The following TSPAN18 variants were observed in gnomAD, a reference collection of about 807,000 sequenced individuals.
The protein encoded by TSPAN18 is tetraspanin 18, also known as tetraspanin-18.
In TSPAN18, 14 loss-of-function variants were observed where a neutral mutation model predicts 27.3. The observed-to-expected ratio is 0.51, with a 90% CI of 0.34 to 0.80. The LOEUF (loss-of-function observed/expected upper bound fraction) is 0.80, where lower values mean the gene tolerates loss of function less well. TSPAN18 is among the 30% of genes least tolerant of loss of function. The pLI is 0.01. For synonymous variants in TSPAN18, 143 were observed against 136.5 expected (o/e 1.05, Z -0.33); for missense variants, 268 against 323.9 (o/e 0.83, Z 1.32).
At chr11:44,794,305 G>T (rs1856296366) in intron 2 of TSPAN18, among the ~76,000 whole-genome samples, 1 of 152,204 alleles carries the variant, frequency 6.6e-6, no homozygotes, top group African/African-American at 2.4e-5. Context: ...TCACACATGT[G>T]TGGTTGTGTG....
chr11:44,919,163 G>A, intron 6 of TSPAN18, 51 bp from the exon 7 acceptor site: 2 of 1,446,830 alleles, frequency 1.4e-6, no homozygotes, highest in East Asian at 2.3e-5. Context: ...TGGAGGGTGG[G>A]GGCTGCACCC....
At chr11:44,785,242 A>C (rs1038347322) in intron 2 of TSPAN18, among the ~76,000 whole-genome samples, 2 of 152,158 alleles carry the variant, frequency 1.3e-5, no homozygotes, top group African/African-American at 2.4e-5. Flanking sequence ...GACATGGAAA[A>C]CCCTGTATGC....
At chr11:44,903,775 C>T in intron 3 of TSPAN18, 1 of 454,094 alleles carries the variant, frequency 2.2e-6, no homozygotes, top group South Asian at 1.6e-5. Flanking sequence ...CCATCACACA[C>T]ACACCATCCT....
intron 2 of TSPAN18, among the ~76,000 whole-genome samples, chr11:44,788,299 C>T (rs190896738): frequency 3.7e-4 from 56 of 152,240 alleles, no homozygotes; most frequent in Non-Finnish European, 6.6e-4. Flanking sequence ...TGTCTACGTG[C>T]GCTGTCCAAT....
intron 3 of TSPAN18, among the ~76,000 whole-genome samples, chr11:44,902,272 A>G (rs1859290245): frequency 1.3e-5 from 2 of 152,240 alleles, no homozygotes; most frequent in African/African-American, 4.8e-5. Flanking sequence ...CAAGAGGCTA[A>G]GTCACTTGCC....
chr11:44,759,849 A>T (rs369565056), intron 1 of TSPAN18, among the ~76,000 whole-genome samples: 5 of 152,346 alleles, frequency 3.3e-5, no homozygotes, highest in African/African-American at 1.2e-4. Flanking sequence ...ATATACTATT[A>T]CCTATACACA....
At chr11:44,731,633 T>TGTGTGAGAGA (rs139154582) in intron 1 of TSPAN18, among the ~76,000 whole-genome samples, 47,525 of 107,582 alleles carry the variant, frequency 0.44, 12,686 homozygotes, top group Non-Finnish European at 0.59. Flanking sequence ...TGTGTGTGTG[T>TGTGTGAGAGA]GAGAGAGAGA....
chr11:44,880,893 C>T (rs1841727017), intron 3 of TSPAN18, among the ~76,000 whole-genome samples: 1 of 152,258 alleles, frequency 6.6e-6, no homozygotes, highest in African/African-American at 2.4e-5. Context: ...GGGTGGGCAA[C>T]ATGACACCTT....
At chr11:44,756,647 T>C (rs1222896723) in intron 1 of TSPAN18, among the ~76,000 whole-genome samples, 2 of 152,214 alleles carry the variant, frequency 1.3e-5, no homozygotes, top group African/African-American at 4.8e-5. Flanking sequence ...ACATGTTTCA[T>C]GTAAGTGGAA....
intron 1 of TSPAN18, among the ~76,000 whole-genome samples, chr11:44,755,188 G>T (rs1184680315): frequency 5.3e-5 from 8 of 152,102 alleles, no homozygotes; most frequent in East Asian, 1.9e-4. Context: ...AGATCGGAAG[G>T]CCCATGCTTC....
intron 3 of TSPAN18, among the ~76,000 whole-genome samples, chr11:44,894,307 G>A (rs937918074): frequency 6.6e-5 from 10 of 152,200 alleles, no homozygotes; most frequent in Non-Finnish European, 1.5e-4. Flanking sequence ...GGAACACACG[G>A]TCCTCTGAGG....
rs184035007 is a variant in TSPAN18 at position 44,826,217 on chromosome 11, G to A, written c.-152-34111G>A. On this transcript the variant is annotated intron_variant, in intron 2 of 9. Transcript: ENST00000520358. ...GTGGGCGGATCACCTGAGATTAGGA[G>A]TTCAAGACCAGCCTGACCAACATGG... Among the ~76,000 whole-genome samples, 38 of 152,300 alleles carry A rather than the reference G, an allele frequency of 2.5e-4. No individual in the cohort carries two copies. The East Asian group carries it at 6.6e-3, about 26-fold the overall frequency.
chr11:44,770,712 CA>C (rs1237107241), intron 2 of TSPAN18, among the ~76,000 whole-genome samples: 1 of 152,154 alleles, frequency 6.6e-6, no homozygotes, highest in African/African-American at 2.4e-5. Context: ...GAGACCAGTA[CA>C]AACACTGATG....
At position 44,727,059 on chromosome 11, in the gene TSPAN18, GGCCCCGGCCCCA is replaced by G. The variant is rs1380757072; in HGVS notation, c.-456_-445del. On this transcript the variant is annotated 5_prime_UTR_variant, in exon 1 of 10. Transcript: ENST00000520358. The stretch of plus-strand genomic sequence containing the variant: ...GCGAGGCCGCCCGAGCCCCAGCCCC[GGCCCCGGCCCCA>G]GCCCCGGCCCCGGCCCCGGCCCCGG... 1.1e-3 allele frequency: 78 copies of G among 71,326 alleles called. 1 individual carries two copies. The East Asian group carries it at 0.014, about 12-fold the overall frequency. The allele number at this position is 71,326 out of a possible 1,614,324, so 4.4% of individuals were successfully genotyped here.
chr11:44,746,710 T>C (rs1044643931), intron 1 of TSPAN18, among the ~76,000 whole-genome samples: 9 of 152,142 alleles, frequency 5.9e-5, no homozygotes, highest in African/African-American at 2.2e-4. Context: ...TGAGCTATGA[T>C]TGTACTACTG....
intron 2 of TSPAN18, among the ~76,000 whole-genome samples, chr11:44,816,591 G>T (rs988577849): frequency 2.0e-5 from 3 of 152,134 alleles, no homozygotes; most frequent in African/African-American, 7.2e-5. Flanking sequence ...GAAGGCAGGT[G>T]AGGGCCCACA....
At chr11:44,809,183 T>C (rs72895494) in intron 2 of TSPAN18, among the ~76,000 whole-genome samples, 27,790 of 152,042 alleles carry the variant, frequency 0.18, 2,789 homozygotes, top group South Asian at 0.38. Context: ...AGAGTCTGCC[T>C]TCTTAACACT....
Position 44,759,461 on chromosome 11 carries a change from G to A in TSPAN18, c.-239-4965G>A, listed in dbSNP as rs138919420. Among the ~76,000 whole-genome samples, 159 of 152,308 alleles carry A rather than the reference G, an allele frequency of 1.0e-3. 1 individual carries two copies. The highest frequency in any genetic ancestry group is 3.7e-3 in the African/African-American group (154 of 41,570). On this transcript the variant is annotated intron_variant, in intron 1 of 9. Coordinates refer to ENST00000520358, the MANE Select transcript of TSPAN18 (RefSeq NM_130783.5). ...TCAGGGTCTAGAGAAAATTATACAAGTAGTTGAGGGTCATTCATTCTCTCT... is the reference window on the plus strand; with the variant it reads ...TCAGGGTCTAGAGAAAATTATACAAATAGTTGAGGGTCATTCATTCTCTCT...
chr11:44,848,588 G>T (rs1171463401), intron 2 of TSPAN18, among the ~76,000 whole-genome samples: 1 of 152,206 alleles, frequency 6.6e-6, no homozygotes, highest in Admixed American at 6.5e-5. Context: ...GGAATTGGGA[G>T]TGAGGAGGGG....
Sources: gnomAD v4.1 joint callset for allele counts (sites outside exome capture counted in the v4.1 genomes callset) on GRCh38, gnomAD v4.1.1 for gene constraint, MANE v1.5 for transcripts, NCBI Gene and HGNC (gene_info 2026-07-23, HGNC 2026-07-21) for gene names.